Variants in ADGRL3 observed in about 807,000 individuals in gnomAD.
ADGRL3 encodes calcium-independent alpha-latrotoxin receptor 3.
In ADGRL3, 62 loss-of-function variants were observed where a neutral mutation model predicts 153.5. The ratio of observed to expected loss-of-function variants is 0.40; its 90% CI spans 0.33 to 0.50. ADGRL3 has a LOEUF of 0.50. Among genes scored for constraint, ADGRL3 ranks in the 20% least tolerant of loss-of-function variants. The probability of loss-of-function intolerance (pLI) is 0.47; values close to 1 mark genes in which losing one functional copy is unlikely to be tolerated. For missense variants in ADGRL3, 1,641 were observed against 1,859.4 expected, an observed-to-expected ratio of 0.88 and a Z score of 2.16; for synonymous variants, 710 against 672.5, an observed-to-expected ratio of 1.06 and a Z score of -0.86.
At chr4:61,460,319 G>A (rs972569816) in intron 2 of ADGRL3, among the ~76,000 whole-genome samples, 2 of 152,070 alleles carry the variant, frequency 1.3e-5, no homozygotes, top group Non-Finnish European at 2.9e-5. Flanking sequence ...ACTTATTGAA[G>A]AGGGTGTCCT....
At chr4:61,529,723 G>GT (rs531892387) in intron 4 of ADGRL3, among the ~76,000 whole-genome samples, 188 of 148,466 alleles carry the variant, frequency 1.3e-3, no homozygotes, top group East Asian at 2.6e-3. Context: ...TTCAAGACCA[G>GT]TTTTTTTTTT....
intron 6 of ADGRL3, among the ~76,000 whole-genome samples, chr4:61,698,732 G>A (rs980108639): frequency 1.3e-5 from 2 of 152,140 alleles, no homozygotes; most frequent in Non-Finnish European, 2.9e-5. Flanking sequence ...TCTCCATTCA[G>A]TCATGGTGTG....
intron 9 of ADGRL3, among the ~76,000 whole-genome samples, chr4:61,874,849 C>T (rs1206407290): frequency 1.6e-5 from 2 of 123,468 alleles, no homozygotes; most frequent in South Asian, 2.7e-4. Flanking sequence ...TCGCCCAGGC[C>T]GGACTGCGGA....
At chr4:61,551,735 C>T (rs1310580159) in intron 4 of ADGRL3, among the ~76,000 whole-genome samples, 1 of 152,072 alleles carries the variant, frequency 6.6e-6, no homozygotes, top group Non-Finnish European at 1.5e-5. Context: ...TGAATTTCTG[C>T]AAGGAATCAC....
At chr4:61,688,373 A>G (rs1200746761) in intron 6 of ADGRL3, among the ~76,000 whole-genome samples, 1 of 152,150 alleles carries the variant, frequency 6.6e-6, no homozygotes, top group African/African-American at 2.4e-5. Flanking sequence ...GAGCTTTGGA[A>G]TCAGAGTTGA....
At chr4:61,577,862 T>C (rs1382250261) in intron 4 of ADGRL3, among the ~76,000 whole-genome samples, 1 of 151,786 alleles carries the variant, frequency 6.6e-6, no homozygotes, top group Non-Finnish European at 1.5e-5. Context: ...ACAATGAATG[T>C]CACATTTTAA....
At chr4:61,415,430 T>G (rs921200377) in intron 2 of ADGRL3, among the ~76,000 whole-genome samples, 9 of 152,132 alleles carry the variant, frequency 5.9e-5, no homozygotes, top group Non-Finnish European at 1.3e-4. Context: ...CCAAAATAAT[T>G]TCTGTGGAAT....
chr4:61,241,724 T>G (rs908911470), intron 1 of ADGRL3, among the ~76,000 whole-genome samples: 2 of 152,030 alleles, frequency 1.3e-5, no homozygotes, highest in African/African-American at 4.8e-5. Flanking sequence ...ACCTTTTTAC[T>G]TGTGAGCACA....
At chr4:61,275,768 G>T (rs972148444) in intron 1 of ADGRL3, among the ~76,000 whole-genome samples, 4 of 152,146 alleles carry the variant, frequency 2.6e-5, no homozygotes, top group African/African-American at 9.7e-5. Flanking sequence ...GATCAAGACT[G>T]GGCATTTGGT....
At chr4:61,462,337 C>G (rs2097831247) in intron 2 of ADGRL3, among the ~76,000 whole-genome samples, 1 of 152,166 alleles carries the variant, frequency 6.6e-6, no homozygotes, top group South Asian at 2.1e-4. Context: ...AAGATAACAA[C>G]TCGAGTCACA....
Position 61,437,330 on chromosome 4 carries a change from A to C in ADGRL3, c.-174+54141A>C, listed in dbSNP as rs76954179. Among the ~76,000 whole-genome samples, 1,193 of 152,308 alleles carry C rather than the reference A, an allele frequency of 7.8e-3. 19 individuals are homozygous for C. Among genetic ancestry groups the C allele is most frequent in the African/African-American group, 0.026 (1,087 of 41,556 alleles). On this transcript the variant is annotated intron_variant, in intron 2 of 26. Coordinates refer to ENST00000683033, the MANE Select transcript of ADGRL3 (RefSeq NM_001387552.1). Reference sequence around the variant, plus strand: ...TTGGAAATTTGAAAACATTCTAAAAATATTCTTTGCATTTTTGTCATTGCA... The same window carrying C: ...TTGGAAATTTGAAAACATTCTAAAACTATTCTTTGCATTTTTGTCATTGCA...
intron 5 of ADGRL3, among the ~76,000 whole-genome samples, chr4:61,594,709 C>T (rs2149442560): frequency 6.6e-6 from 1 of 152,226 alleles, no homozygotes; most frequent in South Asian, 2.1e-4. Context: ...CTGGGTCAGA[C>T]CTGAAGCCAG....
rs573201459 is a variant in ADGRL3 at position 61,923,488 on chromosome 4, C to T, written c.2112+10731C>T. On this transcript the variant is annotated intron_variant, in intron 13 of 26. Coordinates refer to ENST00000683033, the MANE Select transcript of ADGRL3 (RefSeq NM_001387552.1). ...AACTACAGTGCTTGAGTATCAGACT[C>T]CTGTTGCTAATTTCTCACACCTTTA... Among the ~76,000 whole-genome samples, 14 of 152,232 alleles carry T rather than the reference C, an allele frequency of 9.2e-5. No individual in the cohort carries two copies. The South Asian group carries it at 2.7e-3, about 29-fold the overall frequency.
chr4:61,530,373 G>A (rs1246569963), intron 4 of ADGRL3, among the ~76,000 whole-genome samples: 1 of 151,082 alleles, frequency 6.6e-6, no homozygotes, highest in Non-Finnish European at 1.5e-5. Flanking sequence ...ACAGAAATTG[G>A]GTTTGCTACC....
chr4:61,435,846 T>C (rs901471039), intron 2 of ADGRL3, among the ~76,000 whole-genome samples: 7 of 150,524 alleles, frequency 4.7e-5, no homozygotes, highest in Non-Finnish European at 1.0e-4. Context: ...AAGTCCGTAG[T>C]AAAGTTATCA....
intron 17 of ADGRL3, among the ~76,000 whole-genome samples, chr4:61,961,002 C>T (rs1344464004): frequency 6.6e-6 from 1 of 152,160 alleles, no homozygotes; most frequent in Non-Finnish European, 1.5e-5. Flanking sequence ...GCCACTGCAC[C>T]TGGCCTAGTT....
At chr4:61,646,557 G>A (rs7681075) in intron 5 of ADGRL3, among the ~76,000 whole-genome samples, 5 of 147,900 alleles carry the variant, frequency 3.4e-5, no homozygotes, top group East Asian at 1.9e-4. Flanking sequence ...CAGTCTGCCC[G>A]TACTGAGGGG....
intron 13 of ADGRL3, among the ~76,000 whole-genome samples, chr4:61,914,898 A>G (rs2149882577): frequency 6.6e-6 from 1 of 152,168 alleles, no homozygotes; most frequent in African/African-American, 2.4e-5. Flanking sequence ...TTTTGGAGTC[A>G]CATGTCCTGA....
intron 2 of ADGRL3, among the ~76,000 whole-genome samples, chr4:61,462,993 G>A (rs1197043344): frequency 6.6e-6 from 1 of 152,112 alleles, no homozygotes; most frequent in Non-Finnish European, 1.5e-5. Flanking sequence ...TAAAAGACCA[G>A]TTACAGATCT....
Sources: allele counts gnomAD v4.1 joint callset (sites outside exome capture counted in the v4.1 genomes callset), GRCh38; gene constraint gnomAD v4.1.1; transcripts MANE v1.5; gene names NCBI Gene and HGNC (gene_info 2026-07-23, HGNC 2026-07-21).